The following NRP2 variants were observed in gnomAD, a reference collection of about 807,000 sequenced individuals.
NRP2 encodes the protein neuropilin-2.
NRP2 carries 52 observed loss-of-function variants against 110.4 expected under a neutral mutation model. The observed-to-expected ratio is 0.47, with a 90% CI of 0.38 to 0.59. The LOEUF is 0.59. Ranked by LOEUF, NRP2 falls within the 20% of genes least tolerant of loss-of-function variation. NRP2 has a pLI of 0.00. For synonymous variants in NRP2, 508 were observed against 468.9 expected, an observed-to-expected ratio of 1.08 and a Z score of -1.08; for missense variants, 1,049 against 1,203.0, an observed-to-expected ratio of 0.87 and a Z score of 1.89.
chr2:205,763,132 T>G lies in NRP2; in HGVS notation c.2045-542T>G, dbSNP rs1490963724. On this transcript the variant is annotated intron_variant, in intron 12 of 16. Coordinates refer to ENST00000357785, the MANE Select transcript of NRP2 (RefSeq NM_003872.3). The surrounding 1 kb of genome is among the most constrained non-coding windows in gnomAD (Gnocchi z 4.0). ...CCCAAGCATCATCTAGGAGCACTGA[T>G]GGAGACAGAAGGTTTTAAATGTCAG... Among the ~76,000 whole-genome samples, 1 of 152,144 alleles carries G rather than the reference T, an allele frequency of 6.6e-6. No individual in the cohort carries two copies. Among genetic ancestry groups the G allele is most frequent in the African/African-American group, 2.4e-5 (1 of 41,420 alleles).
At chr2:205,776,948 ATGTG>A in intron 15 of NRP2, 3 of 1,139,958 alleles carry the variant, frequency 2.6e-6, no homozygotes, top group Non-Finnish European at 3.3e-6. Flanking sequence ...CATAGTAGAC[ATGTG>A]TGTGTGTGAA....
At chr2:205,751,426 G>A (rs73983255) in intron 11 of NRP2, among the ~76,000 whole-genome samples, 9,049 of 152,044 alleles carry the variant, frequency 0.06, 886 homozygotes, top group African/African-American at 0.21. Flanking sequence ...GAATTACTTC[G>A]TATTTTTGAA....
At chr2:205,733,565 C>T (rs143030478) in intron 7 of NRP2, among the ~76,000 whole-genome samples, 1 of 152,154 alleles carries the variant, frequency 6.6e-6, no homozygotes, top group Non-Finnish European at 1.5e-5. Flanking sequence ...GTCTCTGGAA[C>T]CTCACTCCCT....
chr2:205,730,265 C>T (rs1008892111), intron 7 of NRP2, among the ~76,000 whole-genome samples: 21 of 152,104 alleles, frequency 1.4e-4, no homozygotes, highest in African/African-American at 4.3e-4. Context: ...GGTGCGTCAG[C>T]GCAGCTCTCT....
At position 205,763,091 on chromosome 2, in the gene NRP2, G is replaced by C. The variant is rs1013602490; in HGVS notation, c.2045-583G>C. Reference sequence around the variant, plus strand: ...TTTGAAGGTGACACTGGGCTTCTGAGTCACAGTCACTAGAGCCCAAGCATC... The same window carrying C: ...TTTGAAGGTGACACTGGGCTTCTGACTCACAGTCACTAGAGCCCAAGCATC... On this transcript the variant is annotated intron_variant, in intron 12 of 16. Coordinates refer to ENST00000357785, the MANE Select transcript of NRP2 (RefSeq NM_003872.3). The surrounding 1 kb of genome is among the most constrained non-coding windows in gnomAD (Gnocchi z 4.0). Among the ~76,000 whole-genome samples, 1 of 152,132 alleles carries C rather than the reference G, an allele frequency of 6.6e-6. No homozygotes were observed. The highest frequency in any genetic ancestry group is 2.4e-5 in the African/African-American group (1 of 41,404).
At chr2:205,732,441 C>T (rs377360364) in intron 7 of NRP2, among the ~76,000 whole-genome samples, 8 of 152,218 alleles carry the variant, frequency 5.3e-5, no homozygotes, top group South Asian at 4.1e-4. Flanking sequence ...GCTAGAGGCA[C>T]GTGATGTCTA....
At chr2:205,728,630 G>C (rs2057176585) in intron 7 of NRP2, among the ~76,000 whole-genome samples, 1 of 152,240 alleles carries the variant, frequency 6.6e-6, no homozygotes, top group East Asian at 1.9e-4. Context: ...CCGGAGGTGT[G>C]GTCTGTGTGG....
At chr2:205,685,446 C>T (rs889285267) in intron 1 of NRP2, among the ~76,000 whole-genome samples, 1 of 152,192 alleles carries the variant, frequency 6.6e-6, no homozygotes, top group Non-Finnish European at 1.5e-5. Flanking sequence ...GTGCGCCGGC[C>T]GGGAAGGGGG....
At chr2:205,689,567 C>T (rs2056259200) in intron 1 of NRP2, among the ~76,000 whole-genome samples, 3 of 152,196 alleles carry the variant, frequency 2.0e-5, no homozygotes, top group African/African-American at 7.2e-5. Context: ...TCTTCCACCA[C>T]CAAACCTCTG....
At chr2:205,723,053 G>T (rs1238243046) in intron 4 of NRP2, among the ~76,000 whole-genome samples, 1 of 152,190 alleles carries the variant, frequency 6.6e-6, no homozygotes, top group African/African-American at 2.4e-5. Context: ...AGCCAGACTG[G>T]CCGGGCTTAA....
At chr2:205,766,574 C>T (rs938277649) in intron 14 of NRP2, among the ~76,000 whole-genome samples, 1 of 152,108 alleles carries the variant, frequency 6.6e-6, no homozygotes, top group Non-Finnish European at 1.5e-5. Flanking sequence ...CTTTGAGAAT[C>T]CCCCCTCCTC....
chr2:205,736,626 A>G (rs1244072833), intron 7 of NRP2, among the ~76,000 whole-genome samples: 1 of 152,220 alleles, frequency 6.6e-6, no homozygotes, highest in Non-Finnish European at 1.5e-5. Flanking sequence ...GTGCTATGCA[A>G]GCCTTGGAGG....
intron 10 of NRP2, among the ~76,000 whole-genome samples, chr2:205,747,306 G>T (rs371317357): frequency 2.3e-3 from 355 of 152,272 alleles, no homozygotes; most frequent in African/African-American, 7.7e-3. Context: ...CCCTGCCATT[G>T]GCTGGCTGCA....
Position 205,751,281 on chromosome 2 carries a change from C to T in NRP2, c.1903+1440C>T, listed in dbSNP as rs548264281. On this transcript the variant is annotated intron_variant, in intron 11 of 16. Coordinates refer to ENST00000357785, the MANE Select transcript of NRP2 (RefSeq NM_003872.3). ...AAGTTTATTTTTAATATGATTTTCC[C>T]GTTTCTAGTGGTTTGTTTCATTTGA... Among the ~76,000 whole-genome samples, 7 of 152,060 alleles carry T rather than the reference C, an allele frequency of 4.6e-5. No individual in the cohort carries two copies. The South Asian group carries it at 8.3e-4, about 18-fold the overall frequency.
chr2:205,740,682 T>C lies in NRP2; in HGVS notation c.1291+19T>C. ...GTCACAGGTGAGGTGGGGGCTCCAA[T>C]GAGGTTGGGGTGCTGATTGAGCCCT... On this transcript the variant is annotated intron_variant, in intron 8 of 16. Transcript: ENST00000357785. The C allele has an allele frequency of 6.2e-7, 1 of 1,613,722 alleles. No homozygotes were observed. The highest frequency in any genetic ancestry group is 8.5e-7 in the Non-Finnish European group (1 of 1,180,018).
intron 9 of NRP2, among the ~76,000 whole-genome samples, chr2:205,743,857 C>T (rs1448846172): frequency 1.3e-5 from 2 of 152,160 alleles, no homozygotes; most frequent in African/African-American, 2.4e-5. Context: ...GATTCTCCAG[C>T]CTCAGCCTCC....
At chr2:205,728,140 G>A in intron 7 of NRP2, 94 bp downstream of exon 7, 4 of 1,421,174 alleles carry the variant, frequency 2.8e-6, no homozygotes, top group Non-Finnish European at 3.0e-6. Flanking sequence ...AGGAGAGAGG[G>A]CCTTGTGTAG....
intron 9 of NRP2, among the ~76,000 whole-genome samples, chr2:205,744,471 G>A (rs975341747): frequency 6.6e-6 from 1 of 152,098 alleles, no homozygotes; most frequent in Non-Finnish European, 1.5e-5. Context: ...AACTCACCCC[G>A]AGCCAGAAGC....
intron 15 of NRP2, among the ~76,000 whole-genome samples, chr2:205,782,034 G>A (rs1008731066): frequency 2.6e-5 from 4 of 151,368 alleles, no homozygotes; most frequent in Non-Finnish European, 4.4e-5. Context: ...AAACACTGAA[G>A]AGCGACAAGA....
Sources: gnomAD v4.1 joint callset for allele counts (sites outside exome capture counted in the v4.1 genomes callset) on GRCh38, gnomAD v4.1.1 for gene constraint, Gnocchi (gnomAD v3.1) non-coding constraint, MANE v1.5 for transcripts, NCBI Gene and HGNC (gene_info 2026-07-23, HGNC 2026-07-21) for gene names.